Variants in RREB1 observed in about 807,000 individuals in gnomAD.
RREB1 encodes ras responsive element binding protein 1.
A neutral mutation model predicts 117.8 loss-of-function variants in RREB1; 27 were observed. The observed-to-expected ratio is 0.23, with a 90% CI of 0.17 to 0.32. The LOEUF (loss-of-function observed/expected upper bound fraction) is 0.32, where lower values mean the gene tolerates loss of function less well. RREB1 is among the 10% of genes least tolerant of loss of function. The probability of loss-of-function intolerance (pLI) is 1.00; values close to 1 mark genes in which losing one functional copy is unlikely to be tolerated. For missense variants in RREB1, 2,577 were observed against 2,378.2 expected (o/e 1.08, Z -1.74); for synonymous variants, 1,298 against 1,026.7 (o/e 1.26, Z -5.05).
chr6:7,168,749 G>C (rs1339331382), intron 1 of RREB1, among the ~76,000 whole-genome samples: 1 of 152,116 alleles, frequency 6.6e-6, no homozygotes, highest in Non-Finnish European at 1.5e-5. Flanking sequence ...CCTTGACTTG[G>C]TTTCCCAATC....
rs1490387840 is a variant in RREB1, at chr6:7,229,994, G to T, written c.1895G>T (p.Gly632Val). ...ELKAFMTAPG[G>V]KKTPAMRKVL... ...AAGGCCTTCATGACAGCGCCCGGCG[G>T]CAAGAAGACGCCCGCCATGCGCAAG... is the stretch of plus-strand genomic sequence containing the variant. The change falls in exon 10 of 13, where the codon GGC (glycine) becomes GTC (valine). Residue 632 changes from glycine (G) to valine (V), a missense_variant. Transcript: ENST00000379938. The surrounding 1 kb of genome is among the most constrained non-coding windows in gnomAD (Gnocchi z 4.5). The T allele has an allele frequency of 1.9e-6, 3 of 1,607,156 alleles. No homozygotes were observed. Among genetic ancestry groups the T allele is most frequent in the Non-Finnish European group, 2.6e-6 (3 of 1,175,390 alleles).
chr6:7,209,224 C>A (rs141534879), intron 6 of RREB1, among the ~76,000 whole-genome samples: 142 of 152,216 alleles, frequency 9.3e-4, no homozygotes, highest in African/African-American at 3.3e-3. Context: ...TTTTAATATT[C>A]TCATATCAAC....
chr6:7,225,019 G>T (rs1388610314), intron 8 of RREB1, among the ~76,000 whole-genome samples: 2 of 152,148 alleles, frequency 1.3e-5, no homozygotes, highest in Non-Finnish European at 2.9e-5. Flanking sequence ...AAGCAGGGCG[G>T]CACATACTGG....
intron 6 of RREB1, among the ~76,000 whole-genome samples, chr6:7,202,242 C>T (rs948333661): frequency 2.6e-5 from 4 of 152,204 alleles, no homozygotes; most frequent in African/African-American, 7.2e-5. Context: ...TGGCCCCACC[C>T]GTGCATTTCT....
At chr6:7,143,985 A>G (rs1198891806) in intron 1 of RREB1, among the ~76,000 whole-genome samples, 2 of 151,430 alleles carry the variant, frequency 1.3e-5, no homozygotes, top group Admixed American at 6.6e-5. Context: ...AATTTGCTCA[A>G]ACTGTTGGTC....
intron 6 of RREB1, among the ~76,000 whole-genome samples, chr6:7,197,713 A>G (rs543757281): frequency 5.2e-4 from 79 of 152,290 alleles, no homozygotes; most frequent in African/African-American, 1.8e-3. Context: ...AACATCATCT[A>G]GTTGTTTCGT....
At chr6:7,192,515 T>A (rs1238146196) in intron 6 of RREB1, among the ~76,000 whole-genome samples, 1 of 152,130 alleles carries the variant, frequency 6.6e-6, no homozygotes, top group Non-Finnish European at 1.5e-5. Flanking sequence ...TCTTCTTGAG[T>A]CAGTTTCAAC....
At chr6:7,159,528 G>A (rs571559990) in intron 1 of RREB1, among the ~76,000 whole-genome samples, 186 of 152,172 alleles carry the variant, frequency 1.2e-3, no homozygotes, top group Non-Finnish European at 1.8e-3. Flanking sequence ...ATTGCTTTAG[G>A]AATTGATTTA....
In RREB1 at chr6:7,237,026, G is replaced by A. The variant is rs1316986155; in HGVS notation, c.3809-3412G>A. Among the ~76,000 whole-genome samples, 29 of 150,966 alleles carry A rather than the reference G, an allele frequency of 1.9e-4. No individual in the cohort carries two copies. The Admixed American group carries it at 1.9e-3, about 10-fold the overall frequency. On this transcript the variant is annotated intron_variant, in intron 10 of 12. Transcript: ENST00000379938. ...CTTGAACTCCTGGCTGAGTTCAAGT[G>A]ATCCTCCTGCCTCAGCTTCCCAAGT...
In RREB1 at chr6:7,231,589, C is replaced by T. The variant is rs377519912; in HGVS notation, c.3490C>T (p.Arg1164Cys). Residue 1164 changes from arginine (R) to cysteine (C), a missense_variant, in exon 10 of 13, where the codon CGC becomes TGC. Coordinates refer to ENST00000379938, the MANE Select transcript of RREB1 (RefSeq NM_001003699.4). Reference sequence around the variant, plus strand: ...GAAAAGGGGGATGAGGAGCCGACCCCGCGCCAACAGCGGCGGGGTGGACCT... The same window carrying T: ...GAAAAGGGGGATGAGGAGCCGACCCTGCGCCAACAGCGGCGGGGTGGACCT... The part of the protein sequence containing the change: ...GRKRGMRSRP[R>C]ANSGGVDLDS... The T allele has an allele frequency of 2.1e-5, 34 of 1,611,914 alleles. No individual in the cohort carries two copies. The highest frequency in any genetic ancestry group is 3.4e-4 in the Middle Eastern group (2 of 5,832).
intron 4 of RREB1, among the ~76,000 whole-genome samples, chr6:7,182,558 A>T (rs1414578477): frequency 1.3e-5 from 2 of 151,940 alleles, no homozygotes; most frequent in African/African-American, 4.8e-5. Context: ...GTCATCTTGG[A>T]TTTTCATTGG....
chr6:7,134,860 G>A (rs1762286288), intron 1 of RREB1, among the ~76,000 whole-genome samples: 1 of 152,202 alleles, frequency 6.6e-6, no homozygotes, highest in African/African-American at 2.4e-5. Context: ...TCTGTAACTA[G>A]AGCTAAACGC....
rs768605425 is a variant in RREB1, at chr6:7,231,174, C to T, written c.3075C>T (p.Ser1025=). The part of the protein sequence containing the change: ...AVPIYSSALV[S]SPPLVGSSAL... ...CAATCTACTCCTCAGCCCTGGTCAG[C>T]AGCCCTCCACTCGTGGGCAGCTCAG... Residue 1025 remains serine, a synonymous_variant, in exon 10 of 13, where the codon AGC becomes AGT. Transcript: ENST00000379938. 2.5e-6 allele frequency: 4 copies of T among 1,611,366 alleles called. No homozygotes were observed. Among genetic ancestry groups the T allele is most frequent in the Non-Finnish European group, 3.4e-6 (4 of 1,179,158 alleles).
At chr6:7,168,145 C>T (rs1273241605) in intron 1 of RREB1, among the ~76,000 whole-genome samples, 1 of 150,574 alleles carries the variant, frequency 6.6e-6, no homozygotes, top group Admixed American at 6.6e-5. Flanking sequence ...ATCCCAGCTA[C>T]TCGGGAGGCT....
At chr6:7,139,299 G>C (rs1233063289) in intron 1 of RREB1, 1 of 152,208 alleles carries the variant, frequency 6.6e-6, no homozygotes, top group Non-Finnish European at 1.5e-5. Flanking sequence ...GTATATGTTT[G>C]TAAGTTGAAA....
rs1760913341 is a variant in RREB1, at chr6:7,108,061, G to GT, written c.-285+2dup. 1 of 152,308 alleles carries GT rather than the reference G, an allele frequency of 6.6e-6. No homozygotes were observed. The highest frequency in any genetic ancestry group is 6.5e-5 in the Admixed American group (1 of 15,290). 9.4% of individuals were successfully genotyped at this position (152,308 alleles called of 1,614,324 possible). A position where few individuals can be genotyped will look rare whatever the true frequency, so the allele number is the denominator to read the frequency against. On this transcript the variant is annotated splice_donor_variant, in intron 1 of 12. Transcript: ENST00000379938. LOFTEE classifies it low-confidence loss of function (5UTR_SPLICE). ...AGGGAGCCAAGCGTCCTGCCCGGCC[G>GT]TAAGTACGTGCCCCGGATTCCGACT...
At chr6:7,212,570 G>A (rs1157299416) in intron 8 of RREB1, 1 of 152,220 alleles carries the variant, frequency 6.6e-6, no homozygotes. Flanking sequence ...AGGAACCCCT[G>A]TTGTCGTTGA....
At chr6:7,133,245 G>A (rs1762226268) in intron 1 of RREB1, among the ~76,000 whole-genome samples, 1 of 152,166 alleles carries the variant, frequency 6.6e-6, no homozygotes, top group Non-Finnish European at 1.5e-5. Flanking sequence ...GGACTTGCAT[G>A]TCACATTCTC....
intron 6 of RREB1, among the ~76,000 whole-genome samples, chr6:7,207,342 G>A (rs754849339): frequency 1.3e-5 from 2 of 152,156 alleles, no homozygotes; most frequent in African/African-American, 4.8e-5. Flanking sequence ...TCTCACCAAC[G>A]ATGGGAGAGT....
Sources: gnomAD v4.1 joint callset for allele counts (sites outside exome capture counted in the v4.1 genomes callset) on GRCh38, gnomAD v4.1.1 for gene constraint, Gnocchi (gnomAD v3.1) non-coding constraint, MANE v1.5 for transcripts, NCBI Gene and HGNC (gene_info 2026-07-23, HGNC 2026-07-21) for gene names.